The following SMYD3 variants were observed in gnomAD, a reference collection of about 807,000 sequenced individuals.
The protein encoded by SMYD3 is histone-lysine N-methyltransferase SMYD3.
In SMYD3, 36 loss-of-function variants were observed where a neutral mutation model predicts 57.7. The observed-to-expected ratio is 0.62, with a 90% CI of 0.48 to 0.82. The LOEUF is 0.82. Among genes scored for constraint, SMYD3 ranks in the 40% least tolerant of loss-of-function variants. SMYD3 has a pLI of 0.00. For synonymous variants in SMYD3, 211 were observed against 195.0 expected (o/e 1.08, Z -0.68); for missense variants, 515 against 538.8 (o/e 0.96, Z 0.44).
chr1:246,356,020 GA>G (rs1167771975), intron 1 of SMYD3, among the ~76,000 whole-genome samples: 1 of 152,102 alleles, frequency 6.6e-6, no homozygotes, highest in Non-Finnish European at 1.5e-5. Flanking sequence ...CTCCTGGCTG[GA>G]GGCCAACCAA....
At chr1:246,319,016 T>C (rs904284661) in intron 5 of SMYD3, among the ~76,000 whole-genome samples, 1 of 152,164 alleles carries the variant, frequency 6.6e-6, no homozygotes, top group Non-Finnish European at 1.5e-5. Context: ...AAACAATGAG[T>C]TGTTTTCTTT....
intron 5 of SMYD3, among the ~76,000 whole-genome samples, chr1:246,304,100 C>T (rs1487683338): frequency 6.6e-6 from 1 of 152,090 alleles, no homozygotes; most frequent in African/African-American, 2.4e-5. Flanking sequence ...TCAACAAATA[C>T]TTAGCAGAGA....
intron 5 of SMYD3, among the ~76,000 whole-genome samples, chr1:246,256,334 G>C (rs1307257088): frequency 1.3e-5 from 2 of 152,072 alleles, no homozygotes; most frequent in Non-Finnish European, 2.9e-5. Context: ...ATCTCTTTTG[G>C]CAACACCCTC....
At chr1:245,989,462 C>CA (rs1276999343) in intron 5 of SMYD3, among the ~76,000 whole-genome samples, 1 of 152,234 alleles carries the variant, frequency 6.6e-6, no homozygotes, top group Non-Finnish European at 1.5e-5. Flanking sequence ...GCCAACTGTG[C>CA]AGCAAAGTAG....
At chr1:246,056,605 G>A (rs1211290058) in intron 5 of SMYD3, among the ~76,000 whole-genome samples, 1 of 151,648 alleles carries the variant, frequency 6.6e-6, no homozygotes, top group Non-Finnish European at 1.5e-5. Context: ...GAAATAACAA[G>A]AGGCAAAGCC....
At chr1:246,194,917 C>A (rs2062807525) in intron 5 of SMYD3, among the ~76,000 whole-genome samples, 1 of 152,180 alleles carries the variant, frequency 6.6e-6, no homozygotes, top group African/African-American at 2.4e-5. Context: ...TTAATTCGCT[C>A]ACACTAAAGC....
chr1:246,492,291 G>A (rs1258224978), intron 1 of SMYD3, among the ~76,000 whole-genome samples: 3 of 152,090 alleles, frequency 2.0e-5, no homozygotes, highest in Non-Finnish European at 1.5e-5. Context: ...ACCTCCAAAG[G>A]CTCTGATTCG....
At chr1:246,206,082 T>C (rs894416672) in intron 5 of SMYD3, among the ~76,000 whole-genome samples, 9 of 152,124 alleles carry the variant, frequency 5.9e-5, no homozygotes, top group Non-Finnish European at 1.3e-4. Flanking sequence ...ATAGAAAATA[T>C]TGAATAAAAT....
intron 10 of SMYD3, among the ~76,000 whole-genome samples, chr1:245,829,102 A>G (rs1029924985): frequency 1.9e-4 from 25 of 131,006 alleles, no homozygotes; most frequent in African/African-American, 7.2e-4. Context: ...ACTGCCCTCC[A>G]GAAGGAAGAC....
At chr1:246,211,252 T>C (rs757456499) in intron 5 of SMYD3, among the ~76,000 whole-genome samples, 13 of 152,180 alleles carry the variant, frequency 8.5e-5, no homozygotes, top group South Asian at 2.1e-4. Context: ...TTATTTGCTA[T>C]ACCGTTTCAT....
chr1:245,855,486 C>T (rs566896486), intron 10 of SMYD3, among the ~76,000 whole-genome samples: 1 of 152,278 alleles, frequency 6.6e-6, no homozygotes, highest in South Asian at 2.1e-4. Context: ...CTAAGTTAAA[C>T]TTTTAAATAA....
intron 5 of SMYD3, among the ~76,000 whole-genome samples, chr1:246,305,210 C>T (rs933127847): frequency 6.6e-6 from 1 of 152,136 alleles, no homozygotes; most frequent in Non-Finnish European, 1.5e-5. Context: ...AGACCTCATT[C>T]AGTGAAACAA....
rs57473890 is a variant in SMYD3, at chr1:246,447,029, CAA to C, written c.164+60023_164+60024del. On this transcript the variant is annotated intron_variant, in intron 1 of 11. Coordinates refer to ENST00000490107, the MANE Select transcript of SMYD3 (RefSeq NM_001167740.2). ...CGGTGACAGAGCCAGACTCCGTCTC[CAA>C]AAAAAAAAAAAAAAAATGGCATCCT... Among the ~76,000 whole-genome samples the C allele has an allele frequency of 5.9e-3, 645 of 109,060 alleles. 7 individuals are homozygous for C. Among genetic ancestry groups the C allele is most frequent in the African/African-American group, 0.019 (565 of 30,016 alleles). The allele number at this position is 109,060 out of a possible 152,430, so 71.5% of individuals were successfully genotyped here.
At chr1:245,821,940 C>T (rs1483051703) in intron 10 of SMYD3, among the ~76,000 whole-genome samples, 1 of 151,684 alleles carries the variant, frequency 6.6e-6, no homozygotes, top group Non-Finnish European at 1.5e-5. Context: ...CACTTTTACA[C>T]TGTTGGTGGG....
intron 5 of SMYD3, among the ~76,000 whole-genome samples, chr1:245,962,541 A>G (rs1398851815): frequency 1.3e-5 from 2 of 152,160 alleles, no homozygotes; most frequent in African/African-American, 4.8e-5. Context: ...TAAACAAGCC[A>G]TATGATTTTA....
At chr1:246,012,991 A>C (rs764009614) in intron 5 of SMYD3, among the ~76,000 whole-genome samples, 1 of 152,122 alleles carries the variant, frequency 6.6e-6, no homozygotes, top group Non-Finnish European at 1.5e-5. Flanking sequence ...ATTTGAAAGG[A>C]ATCAACAGAA....
At chr1:246,442,794 G>A (rs932067197) in intron 1 of SMYD3, among the ~76,000 whole-genome samples, 1 of 152,054 alleles carries the variant, frequency 6.6e-6, no homozygotes, top group African/African-American at 2.4e-5. Flanking sequence ...CTTCCTCAAA[G>A]CTTTTGTGAA....
At chr1:246,453,865 A>G (rs899198307) in intron 1 of SMYD3, among the ~76,000 whole-genome samples, 1 of 152,206 alleles carries the variant, frequency 6.6e-6, no homozygotes, top group African/African-American at 2.4e-5. Context: ...GCAAACTGTT[A>G]GTAAATCTCT....
At chr1:245,761,851 TCTTGGCTCA>T (rs2045859594) in intron 11 of SMYD3, among the ~76,000 whole-genome samples, 2 of 144,344 alleles carry the variant, frequency 1.4e-5, no homozygotes, top group Admixed American at 1.4e-4. Flanking sequence ...AATGGTGCAA[TCTTGGCTCA>T]CTGTAACCTC....
Sources: allele counts gnomAD v4.1 joint callset (sites outside exome capture counted in the v4.1 genomes callset), GRCh38; gene constraint gnomAD v4.1.1; transcripts MANE v1.5; gene names NCBI Gene and HGNC (gene_info 2026-07-23, HGNC 2026-07-21).